The following BEND6 variants were observed in gnomAD, a reference collection of about 807,000 sequenced individuals.
BEND6 encodes BEN domain-containing protein 6.
Under a neutral mutation model 31.8 loss-of-function variants are expected in BEND6, and 24 were observed. That is an observed-to-expected ratio of 0.75 (90% CI 0.55 to 1.06). BEND6 has a LOEUF of 1.06. Among genes scored for constraint, BEND6 ranks in the 50% least tolerant of loss-of-function variants. The pLI is 0.00. For missense variants in BEND6, 294 were observed against 327.4 expected (o/e 0.90, Z 0.79); for synonymous variants, 109 against 114.6 (o/e 0.95, Z 0.31).
At chr6:57,008,278 A>G in intron 3 of BEND6, 1 of 702,004 alleles carries the variant, frequency 1.4e-6, no homozygotes, top group Non-Finnish European at 2.6e-6. Context: ...TGGTGCTAGG[A>G]ATCAAAGACT....
At chr6:57,010,627 C>G (rs1827312213) in intron 3 of BEND6, 2 of 911,818 alleles carry the variant, frequency 2.2e-6, no homozygotes, top group Non-Finnish European at 2.6e-6. Flanking sequence ...TTGAGACTTG[C>G]CATGAATTGA....
chr6:56,958,427 A>G (rs1825170520), intron 1 of BEND6, among the ~76,000 whole-genome samples: 1 of 152,238 alleles, frequency 6.6e-6, no homozygotes, highest in South Asian at 2.1e-4. Context: ...CAACCAGTTG[A>G]GAAAAAGGGA....
At chr6:56,972,437 T>A (rs909164480) in intron 1 of BEND6, among the ~76,000 whole-genome samples, 1 of 152,184 alleles carries the variant, frequency 6.6e-6, no homozygotes. Flanking sequence ...AATTTGTTTT[T>A]AATGATTTTG....
At position 57,000,281 on chromosome 6, in the gene BEND6, C is replaced by T. The variant is rs561942158; in HGVS notation, c.298+7726C>T. Among the ~76,000 whole-genome samples, 25 of 152,206 alleles carry T rather than the reference C, an allele frequency of 1.6e-4. No homozygotes were observed. In the South Asian group the frequency reaches 5.2e-3, roughly 32 times the overall value. ...CCTTGGGATGCTGTTAATCTATAACCTTACCCCCAACCCCGTGCTCTCTGA... is the reference window on the plus strand; with the variant it reads ...CCTTGGGATGCTGTTAATCTATAACTTTACCCCCAACCCCGTGCTCTCTGA... On this transcript the variant is annotated intron_variant, in intron 3 of 6. Transcript: ENST00000370746.
At chr6:56,956,128 G>A (rs961270539) in intron 1 of BEND6, among the ~76,000 whole-genome samples, 1 of 152,222 alleles carries the variant, frequency 6.6e-6, no homozygotes, top group Non-Finnish European at 1.5e-5. Context: ...TTCCCTGTGT[G>A]GGGCTGGATT....
intron 1 of BEND6, among the ~76,000 whole-genome samples, chr6:56,976,621 G>A (rs969186138): frequency 6.6e-6 from 1 of 152,136 alleles, no homozygotes; most frequent in African/African-American, 2.4e-5. Context: ...CTGGAGTGCA[G>A]TGGCTCAATC....
chr6:57,017,160 A>G, intron 4 of BEND6, 47 bp from the exon 5 acceptor site: 1 of 1,460,828 alleles, frequency 6.8e-7, no homozygotes. Flanking sequence ...ATATTTCTCC[A>G]TACAGCACTT....
chr6:57,017,352 A>C lies in BEND6; in HGVS notation c.665A>C (p.Lys222Thr). ...TGAKSSTSRD[K>T]AVKPAMNQNE... ...GCAAAATCCTCTACTTCAAGGGACA[A>C]AGCTGTAAAACCAGCTATGAATCAG... The change falls in exon 5 of 7, where the codon AAA (lysine) becomes ACA (threonine). Residue 222 changes from lysine (K) to threonine (T), a missense_variant. Lys to Thr is a moderately conservative substitution (Grantham distance 78). Transcript: ENST00000370746. The C allele has an allele frequency of 7.1e-7, 1 of 1,403,410 alleles. No homozygotes were observed. The highest frequency in any genetic ancestry group is 1.5e-5 in the African/African-American group (1 of 67,682). 86.9% of individuals were successfully genotyped at this position (1,403,410 alleles called of 1,614,324 possible). A position where few individuals can be genotyped will look rare whatever the true frequency, so the allele number is the denominator to read the frequency against.
chr6:56,964,966 A>G (rs1006001597), intron 1 of BEND6, among the ~76,000 whole-genome samples: 5 of 152,220 alleles, frequency 3.3e-5, no homozygotes, highest in Non-Finnish European at 7.3e-5. Context: ...TGCATTCTCC[A>G]TCCTTAACTG....
At chr6:56,979,024 A>C (rs1201717311) in intron 1 of BEND6, among the ~76,000 whole-genome samples, 2 of 152,240 alleles carry the variant, frequency 1.3e-5, no homozygotes, top group Non-Finnish European at 2.9e-5. Flanking sequence ...AAGTTAAAAC[A>C]AAATGTGAGA....
rs1354926203 is a variant in BEND6 at position 57,015,360 on chromosome 6, T to G, written c.519+7T>G. Reference sequence around the variant, plus strand: ...TCAGACTGATGAGAAACAGGTCAGTTGTAATACCCGCCTTATTGTTCTTTG... The same window carrying G: ...TCAGACTGATGAGAAACAGGTCAGTGGTAATACCCGCCTTATTGTTCTTTG... On this transcript the variant is annotated splice_region_variant and intron_variant, in intron 4 of 6. Transcript: ENST00000370746. The G allele has an allele frequency of 1.2e-6, 2 of 1,600,956 alleles. No individual in the cohort carries two copies. The highest frequency in any genetic ancestry group is 2.2e-5 in the South Asian group (2 of 90,654).
intron 3 of BEND6, among the ~76,000 whole-genome samples, chr6:57,000,410 C>T (rs9296857): frequency 0.71 from 107,496 of 151,568 alleles, 39,058 homozygotes; most frequent in South Asian, 0.89. Flanking sequence ...GAGTCATCAC[C>T]ACTCCCTAAT....
At chr6:57,007,056 G>A (rs1356002940) in intron 3 of BEND6, among the ~76,000 whole-genome samples, 2 of 152,128 alleles carry the variant, frequency 1.3e-5, no homozygotes, top group Admixed American at 6.5e-5. Context: ...TTGGGGGGCC[G>A]AGGTGGGAAA....
chr6:56,979,458 A>T (rs1226871631), intron 1 of BEND6, among the ~76,000 whole-genome samples: 1 of 152,174 alleles, frequency 6.6e-6, no homozygotes, highest in Non-Finnish European at 1.5e-5. Flanking sequence ...CAATTAAGAA[A>T]ATTGTAACTT....
At position 56,968,451 on chromosome 6, in the gene BEND6, G is replaced by C. The variant is rs1448547980; in HGVS notation, c.-101+12991G>C. On this transcript the variant is annotated intron_variant, in intron 1 of 6. Transcript: ENST00000370746. ...TCCTCCCACCTCAGCCTCCCCAGTA[G>C]CTGGGACTGTAGGTGTGCCCCACCA... 2.5e-4 allele frequency among the ~76,000 whole-genome samples: 37 copies of C among 149,198 alleles called. No homozygotes were observed. In the Admixed American group the frequency reaches 2.5e-3, roughly 10 times the overall value.
intron 3 of BEND6, among the ~76,000 whole-genome samples, chr6:56,998,829 A>G (rs1019589616): frequency 1.3e-5 from 2 of 152,218 alleles, no homozygotes; most frequent in African/African-American, 2.4e-5. Flanking sequence ...ACAACAAAGG[A>G]AACAATCAAC....
chr6:57,012,519 C>T (rs1827382476), intron 3 of BEND6, among the ~76,000 whole-genome samples: 1 of 152,184 alleles, frequency 6.6e-6, no homozygotes, highest in Non-Finnish European at 1.5e-5. Flanking sequence ...TTGTCAAACG[C>T]ATCCCCTTTA....
At chr6:56,959,124 C>T (rs1592959414) in intron 1 of BEND6, among the ~76,000 whole-genome samples, 3 of 152,256 alleles carry the variant, frequency 2.0e-5, no homozygotes, top group African/African-American at 2.4e-5. Context: ...GAGAAGAGGA[C>T]ATTCTCCTGG....
chr6:56,974,807 T>G (rs55790312), intron 1 of BEND6, among the ~76,000 whole-genome samples: 1 of 152,216 alleles, frequency 6.6e-6, no homozygotes, highest in Non-Finnish European at 1.5e-5. Flanking sequence ...TCAAGTAATC[T>G]ACCATCACAT....
Sources: allele counts gnomAD v4.1 joint callset (sites outside exome capture counted in the v4.1 genomes callset), GRCh38; gene constraint gnomAD v4.1.1; transcripts MANE v1.5; gene names NCBI Gene and HGNC (gene_info 2026-07-23, HGNC 2026-07-21).